Variants in COMMD10 observed in about 807,000 individuals in gnomAD.
COMMD10 encodes the protein COMM domain-containing protein 10.
Under a neutral mutation model 28.9 loss-of-function variants are expected in COMMD10, and 33 were observed. That is an observed-to-expected ratio of 1.14 (90% CI 0.87 to 1.53). The LOEUF (loss-of-function observed/expected upper bound fraction) is 1.53. Among genes scored for constraint, COMMD10 ranks in the 40% most tolerant of loss-of-function variants. The pLI is 0.00. For missense variants in COMMD10, 310 were observed against 233.4 expected (o/e 1.33, Z -2.14); for synonymous variants, 110 against 81.7 (o/e 1.35, Z -1.87).
intron 5 of COMMD10, among the ~76,000 whole-genome samples, chr5:116,191,154 T>A (rs568741470): frequency 2.6e-3 from 390 of 152,144 alleles, no homozygotes; most frequent in Non-Finnish European, 4.4e-3. Context: ...GCTCGCTGGA[T>A]CCCCTAGCAG....
At chr5:116,180,893 C>G (rs1747934565) in intron 5 of COMMD10, among the ~76,000 whole-genome samples, 1 of 152,100 alleles carries the variant, frequency 6.6e-6, no homozygotes, top group South Asian at 2.1e-4. Flanking sequence ...AGGCTCATGT[C>G]TCTCATCCCA....
chr5:116,102,524 G>T (rs1750697833), intron 4 of COMMD10, among the ~76,000 whole-genome samples: 1 of 152,098 alleles, frequency 6.6e-6, no homozygotes, highest in Non-Finnish European at 1.5e-5. Context: ...GCTTAGGACT[G>T]CTTTGGCCAT....
intron 5 of COMMD10, among the ~76,000 whole-genome samples, chr5:116,164,509 A>C (rs980650665): frequency 6.6e-6 from 1 of 152,166 alleles, no homozygotes; most frequent in South Asian, 2.1e-4. Flanking sequence ...TTTGTTGTCA[A>C]ATGTTCATGC....
intron 5 of COMMD10, among the ~76,000 whole-genome samples, chr5:116,213,765 C>CTTTTCATAAT (rs1749027763): frequency 6.6e-6 from 1 of 151,994 alleles, no homozygotes; most frequent in Non-Finnish European, 1.5e-5. Context: ...TTTCATAATA[C>CTTTTCATAAT]AGTGTTATTT....
At chr5:116,196,634 T>A (rs561366523) in intron 5 of COMMD10, among the ~76,000 whole-genome samples, 16 of 151,572 alleles carry the variant, frequency 1.1e-4, no homozygotes, top group African/African-American at 2.7e-4. Context: ...GCTTTTTTTT[T>A]TAAAAAAAGA....
At chr5:116,086,886 A>C (rs1472528826) in intron 1 of COMMD10, among the ~76,000 whole-genome samples, 2 of 152,164 alleles carry the variant, frequency 1.3e-5, no homozygotes, top group East Asian at 3.9e-4. Flanking sequence ...CTGAGGCACA[A>C]GGATTCTTAG....
intron 5 of COMMD10, among the ~76,000 whole-genome samples, chr5:116,198,458 G>A (rs546102552): frequency 5.5e-4 from 84 of 152,172 alleles, no homozygotes; most frequent in Non-Finnish European, 9.9e-4. Flanking sequence ...TGCATGCATA[G>A]CCTATCCAAT....
intron 4 of COMMD10, among the ~76,000 whole-genome samples, chr5:116,097,401 C>T (rs1044661972): frequency 5.3e-5 from 8 of 152,244 alleles, no homozygotes; most frequent in Non-Finnish European, 8.8e-5. Context: ...TATACATGTA[C>T]TTATAAAATT....
chr5:116,161,568 C>T (rs1752918106), intron 5 of COMMD10, among the ~76,000 whole-genome samples: 1 of 151,802 alleles, frequency 6.6e-6, no homozygotes, highest in African/African-American at 2.4e-5. Context: ...ACAGTCAACA[C>T]ATATTTTATA....
chr5:116,148,083 T>G (rs1048293407), intron 5 of COMMD10, among the ~76,000 whole-genome samples: 33 of 152,002 alleles, frequency 2.2e-4, no homozygotes, highest in African/African-American at 7.7e-4. Flanking sequence ...CAGCAGTACA[T>G]TTGCCTTTAA....
intron 5 of COMMD10, chr5:116,188,562 CTCTTTCTTTCT>C (rs1247051320): frequency 2.0e-5 from 3 of 151,464 alleles, no homozygotes; most frequent in Non-Finnish European, 4.4e-5. Flanking sequence ...CATGGTTTTT[CTCTTTCTTTCT>C]TCTTTCTTTC....
At chr5:116,268,077 A>G (rs1165068356) in intron 5 of COMMD10, among the ~76,000 whole-genome samples, 2 of 151,896 alleles carry the variant, frequency 1.3e-5, no homozygotes, top group East Asian at 1.9e-4. Flanking sequence ...AGCAATGGTA[A>G]CAAAAGCCAA....
intron 5 of COMMD10, among the ~76,000 whole-genome samples, chr5:116,151,196 C>G (rs1752515435): frequency 6.6e-6 from 1 of 151,522 alleles, no homozygotes; most frequent in Non-Finnish European, 1.5e-5. Context: ...GCCTTGCATC[C>G]CAGGGATGAA....
chr5:116,287,326 A>C (rs1042987347), intron 5 of COMMD10, among the ~76,000 whole-genome samples: 1 of 151,554 alleles, frequency 6.6e-6, no homozygotes, highest in South Asian at 2.1e-4. Flanking sequence ...TCATTATATA[A>C]TGTCTTTCTT....
intron 5 of COMMD10, among the ~76,000 whole-genome samples, chr5:116,262,849 A>C (rs1279595045): frequency 6.6e-6 from 1 of 151,842 alleles, no homozygotes; most frequent in Non-Finnish European, 1.5e-5. Flanking sequence ...CTGGTATTTA[A>C]AATGGCCACT....
chr5:116,162,655 G>T (rs1209610993), intron 5 of COMMD10, among the ~76,000 whole-genome samples: 1 of 152,120 alleles, frequency 6.6e-6, no homozygotes, highest in Non-Finnish European at 1.5e-5. Context: ...ACGTTAAATT[G>T]TAGAAAACAC....
At chr5:116,225,020 T>G (rs1749355558) in intron 5 of COMMD10, among the ~76,000 whole-genome samples, 1 of 152,188 alleles carries the variant, frequency 6.6e-6, no homozygotes, top group Non-Finnish European at 1.5e-5. Context: ...AATCTTTAGT[T>G]TATGGGGCTT....
Position 116,276,201 on chromosome 5 carries a change from T to C in COMMD10, c.511-15316T>C, listed in dbSNP as rs887421601. On this transcript the variant is annotated intron_variant, in intron 5 of 6. Coordinates refer to ENST00000274458, the MANE Select transcript of COMMD10 (RefSeq NM_016144.4). The stretch of plus-strand genomic sequence containing the variant: ...TGCCAGAAAGAAAAATAAAAATTAA[T>C]TTCAAATAAAATATATATAAGCATG... Among the ~76,000 whole-genome samples, 81 of 151,740 alleles carry C rather than the reference T, an allele frequency of 5.3e-4. 1 individual carries two copies. Among genetic ancestry groups the C allele is most frequent in the African/African-American group, 1.8e-3 (75 of 41,196 alleles).
At position 116,173,772 on chromosome 5, in the gene COMMD10, A is replaced by T. The variant is rs188169055; in HGVS notation, c.510+39594A>T. On this transcript the variant is annotated intron_variant, in intron 5 of 6. Coordinates refer to ENST00000274458, the MANE Select transcript of COMMD10 (RefSeq NM_016144.4). The stretch of plus-strand genomic sequence containing the variant: ...ACATACTAACTGCAGAAGCCAAAGC[A>T]TTGGGTATCACCTTCCTTGTTAATC... Among the ~76,000 whole-genome samples the T allele has an allele frequency of 3.8e-4, 57 of 151,748 alleles. 2 individuals carry two copies. Among genetic ancestry groups the T allele is most frequent in the Admixed American group, 3.1e-3 (48 of 15,258 alleles).
Sources: gnomAD v4.1 joint callset for allele counts (sites outside exome capture counted in the v4.1 genomes callset) on GRCh38, gnomAD v4.1.1 for gene constraint, MANE v1.5 for transcripts, NCBI Gene and HGNC (gene_info 2026-07-23, HGNC 2026-07-21) for gene names.